Variants in MAN1A2 observed in about 807,000 individuals in gnomAD.
MAN1A2 encodes the protein mannosyl-oligosaccharide 1,2-alpha-mannosidase IB.
In MAN1A2, 26 loss-of-function variants were observed where a neutral mutation model predicts 75.7. That is an observed-to-expected ratio of 0.34 (90% CI 0.25 to 0.48). MAN1A2 has a LOEUF of 0.48. Among genes scored for constraint, MAN1A2 ranks in the 20% least tolerant of loss-of-function variants. The pLI, the probability that MAN1A2 is intolerant of heterozygous loss-of-function variation, is 0.99. For synonymous variants in MAN1A2, 247 were observed against 264.6 expected, an observed-to-expected ratio of 0.93 and a Z score of 0.65; for missense variants, 562 against 775.5, an observed-to-expected ratio of 0.72 and a Z score of 3.27.
chr1:117,487,761 C>T (rs1018104137), intron 8 of MAN1A2, among the ~76,000 whole-genome samples: 1 of 152,026 alleles, frequency 6.6e-6, no homozygotes, highest in Non-Finnish European at 1.5e-5. Flanking sequence ...GTACCACTAA[C>T]CTTTACCCCA....
intron 6 of MAN1A2, among the ~76,000 whole-genome samples, chr1:117,455,154 A>G (rs112194591): frequency 1.1e-4 from 17 of 152,292 alleles, no homozygotes; most frequent in African/African-American, 3.4e-4. Flanking sequence ...TATTCATCCA[A>G]TGGAATACCA....
chr1:117,417,961 G>C (rs956489151), intron 4 of MAN1A2, among the ~76,000 whole-genome samples: 14 of 151,956 alleles, frequency 9.2e-5, no homozygotes, highest in African/African-American at 2.9e-4. Context: ...AGGGAGGATT[G>C]CTTGAGCCCA....
At chr1:117,491,955 T>C (rs1052090727) in intron 8 of MAN1A2, among the ~76,000 whole-genome samples, 1 of 152,058 alleles carries the variant, frequency 6.6e-6, no homozygotes, top group Admixed American at 6.6e-5. Flanking sequence ...AAGACTTGAA[T>C]GGATGAGGAG....
At chr1:117,482,389 G>A (rs1230395217) in intron 8 of MAN1A2, among the ~76,000 whole-genome samples, 1 of 152,002 alleles carries the variant, frequency 6.6e-6, no homozygotes, top group Non-Finnish European at 1.5e-5. Flanking sequence ...GTTGTTTCCT[G>A]ACTTTTTAAT....
chr1:117,487,329 A>G (rs1650743176), intron 8 of MAN1A2, among the ~76,000 whole-genome samples: 1 of 152,030 alleles, frequency 6.6e-6, no homozygotes. Flanking sequence ...TATCCCTAGA[A>G]AATGACCAGA....
At position 117,408,901 on chromosome 1, in the gene MAN1A2, T is replaced by C; in HGVS notation, c.655+3256T>C. Among the ~76,000 whole-genome samples the C allele has an allele frequency of 1.3e-5, 2 of 152,152 alleles. 1 individual carries two copies. Among genetic ancestry groups the C allele is most frequent in the Non-Finnish European group, 2.9e-5 (2 of 67,996 alleles). ...GGTTTTTGAGTAATTGGTCTGGTTT[T>C]ATCTAAGTTATTGATTTTATATGCA... On this transcript the variant is annotated intron_variant, in intron 3 of 12. Coordinates refer to ENST00000356554, the MANE Select transcript of MAN1A2 (RefSeq NM_006699.5).
chr1:117,458,508 T>G (rs10157878), intron 6 of MAN1A2, among the ~76,000 whole-genome samples: 5 of 99,304 alleles, frequency 5.0e-5, no homozygotes, highest in South Asian at 3.7e-4. Context: ...TATATATATA[T>G]ATAGATATAT....
At chr1:117,383,206 T>C (rs972533537) in intron 1 of MAN1A2, among the ~76,000 whole-genome samples, 1 of 152,164 alleles carries the variant, frequency 6.6e-6, no homozygotes, top group Non-Finnish European at 1.5e-5. Flanking sequence ...GGAAATTCTC[T>C]TCTATTTTTA....
chr1:117,434,364 T>C (rs998204039), intron 5 of MAN1A2, among the ~76,000 whole-genome samples: 6 of 152,242 alleles, frequency 3.9e-5, no homozygotes, highest in African/African-American at 1.4e-4. Flanking sequence ...ATACTTTGCA[T>C]TTTAACAAAT....
At chr1:117,379,329 A>G (rs1570694970) in intron 1 of MAN1A2, among the ~76,000 whole-genome samples, 1 of 151,962 alleles carries the variant, frequency 6.6e-6, no homozygotes. Flanking sequence ...GTTCTTTTGT[A>G]TATTTCTGTT....
chr1:117,482,923 G>A (rs368324143), intron 8 of MAN1A2, among the ~76,000 whole-genome samples: 2 of 152,222 alleles, frequency 1.3e-5, no homozygotes, highest in East Asian at 3.9e-4. Flanking sequence ...TGTATGAGAT[G>A]TAAGGAAGGC....
At chr1:117,430,269 ACCTC>A (rs1203473020) in intron 5 of MAN1A2, among the ~76,000 whole-genome samples, 1 of 116,892 alleles carries the variant, frequency 8.6e-6, no homozygotes, top group Non-Finnish European at 1.8e-5. Context: ...TGAACCCCCC[ACCTC>A]CCTCCCGGAT....
intron 5 of MAN1A2, among the ~76,000 whole-genome samples, chr1:117,432,633 C>G (rs997601826): frequency 6.6e-6 from 1 of 152,020 alleles, no homozygotes; most frequent in African/African-American, 2.4e-5. Context: ...AGCTATTTCA[C>G]AAAATTAACT....
At chr1:117,432,470 A>G (rs928685097) in intron 5 of MAN1A2, among the ~76,000 whole-genome samples, 2 of 152,254 alleles carry the variant, frequency 1.3e-5, no homozygotes. Flanking sequence ...TTCCACATAC[A>G]TTAAAGGCAT....
Position 117,458,523 on chromosome 1 carries a change from A to ATTTTT in MAN1A2, c.951-1953_951-1949dup, listed in dbSNP as rs5777311. Among the ~76,000 whole-genome samples, 36 of 105,608 alleles carry ATTTTT rather than the reference A, an allele frequency of 3.4e-4. 1 individual carries two copies. Among genetic ancestry groups the ATTTTT allele is most frequent in the African/African-American group, 1.2e-3 (35 of 29,012 alleles). The allele number at this position is 105,608 out of a possible 152,430, so 69.3% of individuals were successfully genotyped here. A position where few individuals can be genotyped will look rare whatever the true frequency, so the allele number is the denominator to read the frequency against. ...TATATATATATATAGATATATATAT[A>ATTTTT]TTTTTTTTTTTTTTTTTGAGACAGA... On this transcript the variant is annotated intron_variant, in intron 6 of 12. Coordinates refer to ENST00000356554, the MANE Select transcript of MAN1A2 (RefSeq NM_006699.5).
chr1:117,461,174 A>G (rs999366005), intron 7 of MAN1A2, among the ~76,000 whole-genome samples: 10 of 152,218 alleles, frequency 6.6e-5, no homozygotes, highest in Non-Finnish European at 1.5e-4. Flanking sequence ...GTTTCCTACA[A>G]ATAAATCTAA....
intron 6 of MAN1A2, among the ~76,000 whole-genome samples, chr1:117,445,190 TCAAC>T (rs1649173011): frequency 6.6e-6 from 1 of 152,178 alleles, no homozygotes. Context: ...AAATGTTAAA[TCAAC>T]CTTGAATTCC....
rs555751230 is a variant in MAN1A2, at chr1:117,442,334, A to G, written c.950+9A>G. Reference sequence around the variant, plus strand: ...ATGGTGAATTTGAAAAGGTAACTCTATGTGGGTATTCTTATTCTGGAAGAA... The same window carrying G: ...ATGGTGAATTTGAAAAGGTAACTCTGTGTGGGTATTCTTATTCTGGAAGAA... On this transcript the variant is annotated intron_variant, in intron 6 of 12. Coordinates refer to ENST00000356554, the MANE Select transcript of MAN1A2 (RefSeq NM_006699.5). The G allele has an allele frequency of 3.9e-6, 6 of 1,541,866 alleles. No homozygotes were observed. The Admixed American group carries it at 5.0e-5, about 13-fold the overall frequency.
intron 5 of MAN1A2, among the ~76,000 whole-genome samples, chr1:117,429,849 G>A (rs1648544771): frequency 1.4e-5 from 1 of 70,580 alleles, no homozygotes; most frequent in Admixed American, 1.2e-4. Context: ...GGCTGGCCGG[G>A]CGGGGGGCCG....
Sources: gnomAD v4.1 joint callset for allele counts (sites outside exome capture counted in the v4.1 genomes callset) on GRCh38, gnomAD v4.1.1 for gene constraint, MANE v1.5 for transcripts, NCBI Gene and HGNC (gene_info 2026-07-23, HGNC 2026-07-21) for gene names.